The following SAMD4A variants were observed in gnomAD, a reference collection of about 807,000 sequenced individuals.
SAMD4A encodes the protein sterile alpha motif domain containing 4A.
A neutral mutation model predicts 81.3 loss-of-function variants in SAMD4A; 33 were observed. That is an observed-to-expected ratio of 0.41 (90% CI 0.31 to 0.54). The LOEUF (loss-of-function observed/expected upper bound fraction) is 0.54, where lower values mean the gene tolerates loss of function less well. Ranked by LOEUF, SAMD4A falls within the 20% of genes least tolerant of loss-of-function variation. The pLI is 0.37. For synonymous variants in SAMD4A, 389 were observed against 382.1 expected (o/e 1.02, Z -0.21); for missense variants, 854 against 951.1 (o/e 0.90, Z 1.34).
intron 3 of SAMD4A, among the ~76,000 whole-genome samples, chr14:54,719,773 A>G (rs1594855248): frequency 1.3e-5 from 2 of 152,322 alleles, no homozygotes; most frequent in Admixed American, 1.3e-4. Flanking sequence ...CAACTTAAAA[A>G]GGAGTACTAA....
At chr14:54,598,256 GT>G (rs2033964528) in intron 2 of SAMD4A, among the ~76,000 whole-genome samples, 1 of 152,190 alleles carries the variant, frequency 6.6e-6, no homozygotes, top group Non-Finnish European at 1.5e-5. Flanking sequence ...TAACATAGCT[GT>G]TATGTTATAC....
At chr14:54,656,158 C>G (rs544660480) in intron 2 of SAMD4A, among the ~76,000 whole-genome samples, 1 of 152,200 alleles carries the variant, frequency 6.6e-6, no homozygotes, top group East Asian at 1.9e-4. Context: ...AGAGTCTTAC[C>G]CTTTAACTTT....
At chr14:54,642,384 G>A (rs1281409678) in intron 2 of SAMD4A, among the ~76,000 whole-genome samples, 2 of 152,186 alleles carry the variant, frequency 1.3e-5, no homozygotes, top group African/African-American at 2.4e-5. Flanking sequence ...GGTGGGTAGA[G>A]GAGACACAAA....
intron 8 of SAMD4A, among the ~76,000 whole-genome samples, chr14:54,768,288 C>G (rs1482883257): frequency 6.6e-6 from 1 of 152,202 alleles, no homozygotes; most frequent in African/African-American, 2.4e-5. Context: ...CAGTGTGACA[C>G]CTGTGAGTGG....
intron 3 of SAMD4A, among the ~76,000 whole-genome samples, chr14:54,736,724 C>T (rs139199933): frequency 7.9e-4 from 121 of 152,364 alleles, no homozygotes; most frequent in Admixed American, 1.6e-3. Context: ...CCTATGAATC[C>T]TGATTTCTAG....
At chr14:54,646,803 A>G (rs1457274749) in intron 2 of SAMD4A, among the ~76,000 whole-genome samples, 5 of 152,214 alleles carry the variant, frequency 3.3e-5, no homozygotes, top group Admixed American at 1.3e-4. Context: ...AAATTTTTAA[A>G]AAGACTAGTA....
intron 2 of SAMD4A, among the ~76,000 whole-genome samples, chr14:54,585,720 C>T (rs1463963218): frequency 1.3e-5 from 2 of 152,146 alleles, no homozygotes; most frequent in African/African-American, 2.4e-5. Flanking sequence ...CATTACTTCA[C>T]GTAGAATAAT....
intron 2 of SAMD4A, among the ~76,000 whole-genome samples, chr14:54,646,677 T>G (rs1195996438): frequency 6.6e-6 from 1 of 152,234 alleles, no homozygotes; most frequent in Non-Finnish European, 1.5e-5. Context: ...TCCAAATGTG[T>G]GGACTGTTTG....
chr14:54,652,727 A>C (rs745524492), intron 2 of SAMD4A: 1 of 151,878 alleles, frequency 6.6e-6, no homozygotes, highest in Non-Finnish European at 1.5e-5. Flanking sequence ...ATCTGTGTTC[A>C]CACAGCAGAA....
At chr14:54,601,357 AT>A in intron 2 of SAMD4A, among the ~76,000 whole-genome samples, 1 of 152,220 alleles carries the variant, frequency 6.6e-6, no homozygotes, top group East Asian at 1.9e-4. Context: ...TTTTAAATCC[AT>A]TATGGAAGTA....
chr14:54,593,029 A>G (rs1009978234), intron 2 of SAMD4A, among the ~76,000 whole-genome samples: 2 of 152,242 alleles, frequency 1.3e-5, no homozygotes, highest in Non-Finnish European at 2.9e-5. Context: ...GGAAAATTTT[A>G]GACATAGAAA....
At chr14:54,720,906 C>T (rs1391650808) in intron 3 of SAMD4A, among the ~76,000 whole-genome samples, 1 of 152,132 alleles carries the variant, frequency 6.6e-6, no homozygotes, top group Non-Finnish European at 1.5e-5. Flanking sequence ...GGCACACACA[C>T]CACCTTTCTC....
intron 2 of SAMD4A, among the ~76,000 whole-genome samples, chr14:54,568,665 G>A (rs1239466986): frequency 1.5e-5 from 2 of 135,040 alleles, no homozygotes; most frequent in African/African-American, 5.6e-5. Flanking sequence ...GGTGACGCTA[G>A]AGACTAGTAA....
intron 6 of SAMD4A, 57 bp from the exon 7 acceptor site, chr14:54,760,104 G>T (rs1336327335): frequency 6.4e-7 from 1 of 1,554,764 alleles, no homozygotes; most frequent in Non-Finnish European, 8.8e-7. Context: ...GCAGGTACGG[G>T]GGTGGATGAC....
chr14:54,674,527 T>G (rs1292628693), intron 2 of SAMD4A, among the ~76,000 whole-genome samples: 2 of 152,136 alleles, frequency 1.3e-5, no homozygotes, highest in African/African-American at 4.8e-5. Context: ...TAGATACTGG[T>G]GTAGATACTG....
At chr14:54,787,700 A>G (rs1325026417) in intron 12 of SAMD4A, among the ~76,000 whole-genome samples, 2 of 152,206 alleles carry the variant, frequency 1.3e-5, no homozygotes, top group East Asian at 1.9e-4. Flanking sequence ...TGGCTAATCC[A>G]TGCCTCTCTC....
intron 9 of SAMD4A, among the ~76,000 whole-genome samples, chr14:54,770,684 T>C (rs2038680026): frequency 6.6e-6 from 1 of 152,246 alleles, no homozygotes; most frequent in South Asian, 2.1e-4. Context: ...TGCTAGTCTA[T>C]TTTGGTCTGC....
intron 2 of SAMD4A, among the ~76,000 whole-genome samples, chr14:54,574,053 G>A (rs946447824): frequency 4.6e-5 from 7 of 152,156 alleles, no homozygotes; most frequent in African/African-American, 1.7e-4. Flanking sequence ...CATTGTAATG[G>A]TACCTGACAA....
At chr14:54,662,778 C>T (rs1301333568) in intron 2 of SAMD4A, among the ~76,000 whole-genome samples, 3 of 152,120 alleles carry the variant, frequency 2.0e-5, no homozygotes, top group Non-Finnish European at 4.4e-5. Flanking sequence ...CCACCTTTGG[C>T]TCCCTCAGCA....
Sources: gnomAD v4.1 joint callset for allele counts (sites outside exome capture counted in the v4.1 genomes callset) on GRCh38, gnomAD v4.1.1 for gene constraint, MANE v1.5 for transcripts, NCBI Gene and HGNC (gene_info 2026-07-23, HGNC 2026-07-21) for gene names.